Variants in OPCML observed in about 807,000 individuals in gnomAD.
OPCML encodes opioid-binding protein/cell adhesion molecule.
In OPCML, 13 loss-of-function variants were observed where a neutral mutation model predicts 37.8. The observed-to-expected ratio is 0.34, with a 90% CI of 0.22 to 0.55. OPCML has a LOEUF of 0.55. OPCML is among the 20% of genes least tolerant of loss of function. The pLI, the probability that OPCML is intolerant of heterozygous loss-of-function variation, is 0.91. For synonymous variants in OPCML, 176 were observed against 168.8 expected (o/e 1.04, Z -0.33); for missense variants, 341 against 435.6 (o/e 0.78, Z 1.93).
intron 1 of OPCML, among the ~76,000 whole-genome samples, chr11:133,357,411 G>A (rs1174422261): frequency 6.6e-6 from 1 of 152,180 alleles, no homozygotes; most frequent in Non-Finnish European, 1.5e-5. Context: ...ATAAACATGT[G>A]GATGATAAGC....
At chr11:132,769,117 G>A (rs951101891) in intron 2 of OPCML, among the ~76,000 whole-genome samples, 9 of 151,094 alleles carry the variant, frequency 6.0e-5, no homozygotes, top group African/African-American at 2.2e-4. Flanking sequence ...ACTGGGAACG[G>A]GAAAGGGGGT....
chr11:132,882,676 A>G (rs1441326341), intron 2 of OPCML, among the ~76,000 whole-genome samples: 1 of 152,222 alleles, frequency 6.6e-6, no homozygotes, highest in Non-Finnish European at 1.5e-5. Flanking sequence ...AGGAAGCCAC[A>G]TGGAAAACTG....
At chr11:132,776,366 T>C (rs1353257926) in intron 2 of OPCML, among the ~76,000 whole-genome samples, 2 of 152,178 alleles carry the variant, frequency 1.3e-5, no homozygotes, top group Non-Finnish European at 2.9e-5. Context: ...ACGAAGACTG[T>C]AGCTGTGATA....
chr11:133,068,871 C>T (rs1948480067), intron 1 of OPCML, among the ~76,000 whole-genome samples: 1 of 152,174 alleles, frequency 6.6e-6, no homozygotes, highest in African/African-American at 2.4e-5. Flanking sequence ...GAAACCTACA[C>T]ATACCAAAGA....
chr11:133,265,362 T>C (rs1449147759), intron 1 of OPCML, among the ~76,000 whole-genome samples: 1 of 152,142 alleles, frequency 6.6e-6, no homozygotes, highest in Non-Finnish European at 1.5e-5. Context: ...CAGGGTCTGA[T>C]ATATTGGCGT....
chr11:132,560,676 C>A (rs954227565), intron 3 of OPCML, among the ~76,000 whole-genome samples: 1 of 152,156 alleles, frequency 6.6e-6, no homozygotes, highest in African/African-American at 2.4e-5. Flanking sequence ...TTTCCCTGAT[C>A]GTTAGTGACG....
At chr11:133,490,544 A>C (rs998731323) in intron 1 of OPCML, among the ~76,000 whole-genome samples, 1 of 152,324 alleles carries the variant, frequency 6.6e-6, no homozygotes, top group Non-Finnish European at 1.5e-5. Flanking sequence ...GAGAATCCCA[A>C]GAAAAGGCAA....
intron 2 of OPCML, among the ~76,000 whole-genome samples, chr11:132,815,102 C>A (rs759370667): frequency 6.6e-5 from 10 of 152,102 alleles, no homozygotes; most frequent in African/African-American, 9.7e-5. Context: ...AAGCCTTTGC[C>A]CCACATGGAC....
chr11:132,541,737 G>A (rs371903872), intron 3 of OPCML, among the ~76,000 whole-genome samples: 9 of 152,280 alleles, frequency 5.9e-5, no homozygotes, highest in African/African-American at 1.9e-4. Flanking sequence ...AGGCTGAGAT[G>A]TGTCTCCCAT....
intron 1 of OPCML, among the ~76,000 whole-genome samples, chr11:133,079,945 A>G (rs1221508461): frequency 6.6e-6 from 1 of 152,238 alleles, no homozygotes; most frequent in Non-Finnish European, 1.5e-5. Context: ...CTCATTGGGA[A>G]TGCCTTTTGA....
chr11:132,601,468 G>A (rs1186297310), intron 3 of OPCML, among the ~76,000 whole-genome samples: 1 of 152,130 alleles, frequency 6.6e-6, no homozygotes, highest in African/African-American at 2.4e-5. Context: ...GTCTTGATTA[G>A]AAAGCACGAA....
At chr11:132,544,938 T>G (rs1320036967) in intron 3 of OPCML, among the ~76,000 whole-genome samples, 1 of 152,182 alleles carries the variant, frequency 6.6e-6, no homozygotes. Flanking sequence ...CATTCCAGTT[T>G]TATAGGGATT....
At chr11:132,512,526 A>C (rs939542937) in intron 4 of OPCML, among the ~76,000 whole-genome samples, 1 of 152,030 alleles carries the variant, frequency 6.6e-6, no homozygotes, top group African/African-American at 2.4e-5. Context: ...CTTAGCAATA[A>C]AAAAACCACA....
chr11:133,018,384 T>C (rs558171962), intron 1 of OPCML, among the ~76,000 whole-genome samples: 61 of 152,276 alleles, frequency 4.0e-4, no homozygotes, highest in Admixed American at 9.2e-4. Context: ...TACTTCTTTT[T>C]CCCCTCCTTT....
At chr11:133,120,290 A>G (rs147100279) in intron 1 of OPCML, among the ~76,000 whole-genome samples, 587 of 152,348 alleles carry the variant, frequency 3.9e-3, no homozygotes, top group African/African-American at 0.013. Flanking sequence ...TAATGTGTAT[A>G]AATATCATTT....
At chr11:133,017,775 C>T (rs1469654259) in intron 1 of OPCML, among the ~76,000 whole-genome samples, 1 of 152,178 alleles carries the variant, frequency 6.6e-6, no homozygotes, top group African/African-American at 2.4e-5. Context: ...AAGCTGAGTC[C>T]ACCAGTCTCA....
intron 3 of OPCML, among the ~76,000 whole-genome samples, chr11:132,613,376 C>A (rs1938784973): frequency 6.6e-6 from 1 of 152,160 alleles, no homozygotes; most frequent in Non-Finnish European, 1.5e-5. Context: ...TCAAGAAAAC[C>A]TCAAAGACAG....
chr11:132,952,852 A>C (rs1450622876), intron 1 of OPCML, among the ~76,000 whole-genome samples: 2 of 152,144 alleles, frequency 1.3e-5, no homozygotes, highest in East Asian at 3.9e-4. Flanking sequence ...GGGATAGTCA[A>C]TTCCTTTTTT....
intron 2 of OPCML, among the ~76,000 whole-genome samples, chr11:132,918,003 T>A (rs892052245): frequency 2.0e-5 from 3 of 152,186 alleles, no homozygotes; most frequent in African/African-American, 7.2e-5. Flanking sequence ...TGGCCACTTT[T>A]AAAAAATTGT....
Sources: allele counts gnomAD v4.1 joint callset (sites outside exome capture counted in the v4.1 genomes callset), GRCh38; gene constraint gnomAD v4.1.1; transcripts MANE v1.5; gene names NCBI Gene and HGNC (gene_info 2026-07-23, HGNC 2026-07-21).